The following PEBP4 variants were observed in gnomAD, a reference collection of about 807,000 sequenced individuals.
PEBP4 encodes phosphatidylethanolamine-binding protein 4.
PEBP4 carries 22 observed loss-of-function variants against 23.9 expected under a neutral mutation model. The observed-to-expected ratio is 0.92, with a 90% CI of 0.66 to 1.31. PEBP4 has a LOEUF of 1.31. PEBP4 is among the 40% of genes most tolerant of loss of function. The pLI is 0.00. For synonymous variants in PEBP4, 112 were observed against 99.3 expected (o/e 1.13, Z -0.76); for missense variants, 324 against 281.7 (o/e 1.15, Z -1.07).
intron 4 of PEBP4, among the ~76,000 whole-genome samples, chr8:22,769,402 T>G (rs961709429): frequency 6.6e-6 from 1 of 152,238 alleles, no homozygotes; most frequent in African/African-American, 2.4e-5. Flanking sequence ...CCTGTCTCAG[T>G]GGCTCTGGAT....
intron 4 of PEBP4, among the ~76,000 whole-genome samples, chr8:22,749,637 C>T (rs931429955): frequency 1.3e-5 from 2 of 152,026 alleles, no homozygotes; most frequent in African/African-American, 2.4e-5. Context: ...TAGCTGCGGC[C>T]AGCTATGCAG....
intron 4 of PEBP4, among the ~76,000 whole-genome samples, chr8:22,788,337 TGAGAA>T (rs1293819382): frequency 4.6e-5 from 7 of 151,290 alleles, no homozygotes; most frequent in African/African-American, 1.5e-4. Flanking sequence ...GAAAGACGAA[TGAGAA>T]GAGAAGAGGG....
At chr8:22,917,684 T>G (rs1283243991) in intron 3 of PEBP4, among the ~76,000 whole-genome samples, 1 of 152,210 alleles carries the variant, frequency 6.6e-6, no homozygotes, top group Non-Finnish European at 1.5e-5. Flanking sequence ...AATCACACCT[T>G]GACTTGCATT....
At chr8:22,746,116 A>G (rs553870749) in intron 4 of PEBP4, among the ~76,000 whole-genome samples, 13 of 117,084 alleles carry the variant, frequency 1.1e-4, no homozygotes, top group Admixed American at 2.9e-4. Flanking sequence ...ACTATATTCA[A>G]CTTCCTTCCT....
chr8:22,784,492 C>G (rs915091350), intron 4 of PEBP4, among the ~76,000 whole-genome samples: 1 of 152,230 alleles, frequency 6.6e-6, no homozygotes, highest in African/African-American at 2.4e-5. Context: ...GCCTTGAATT[C>G]TGGCCCTGCT....
chr8:22,889,931 C>T (rs1244586702), intron 3 of PEBP4, among the ~76,000 whole-genome samples: 1 of 152,202 alleles, frequency 6.6e-6, no homozygotes, highest in Admixed American at 6.5e-5. Context: ...CAAATTGATG[C>T]AATGTTCAAT....
chr8:22,729,287 C>T (rs1447643938), intron 4 of PEBP4, among the ~76,000 whole-genome samples: 1 of 152,252 alleles, frequency 6.6e-6, no homozygotes, highest in Non-Finnish European at 1.5e-5. Context: ...CAGGGAAGGG[C>T]TGCCCAGCCT....
intron 3 of PEBP4, among the ~76,000 whole-genome samples, chr8:22,821,984 C>CAA (rs113380878): frequency 0.12 from 16,045 of 130,732 alleles, 1,353 homozygotes; most frequent in Middle Eastern, 0.21. Context: ...GACCTCGTCT[C>CAA]AAAAAAAAAA....
intron 4 of PEBP4, among the ~76,000 whole-genome samples, chr8:22,793,304 TCAC>T: frequency 6.6e-6 from 1 of 152,312 alleles, no homozygotes. Flanking sequence ...TTTCACTCCG[TCAC>T]CTAGGCTGGA....
chr8:22,817,086 T>C (rs555189870), intron 4 of PEBP4, among the ~76,000 whole-genome samples: 1 of 152,166 alleles, frequency 6.6e-6, no homozygotes, highest in Non-Finnish European at 1.5e-5. Flanking sequence ...CCTTCACAAT[T>C]ATCGTGATGA....
intron 4 of PEBP4, among the ~76,000 whole-genome samples, chr8:22,804,787 C>T (rs1806461897): frequency 6.6e-6 from 1 of 152,122 alleles, no homozygotes; most frequent in South Asian, 2.1e-4. Context: ...CGGTTAGAAC[C>T]TCCATCCTTC....
chr8:22,732,552 C>T (rs958516768), intron 4 of PEBP4, among the ~76,000 whole-genome samples: 2 of 151,896 alleles, frequency 1.3e-5, no homozygotes, highest in Non-Finnish European at 1.5e-5. Flanking sequence ...ACATGTACCC[C>T]GGAACTTAAA....
At chr8:22,781,918 G>A (rs1193127229) in intron 4 of PEBP4, among the ~76,000 whole-genome samples, 5 of 152,140 alleles carry the variant, frequency 3.3e-5, no homozygotes, top group South Asian at 2.1e-4. Flanking sequence ...CAGGTAACCC[G>A]GGGGGCTGAA....
At chr8:22,778,388 T>TC (rs1563213342) in intron 4 of PEBP4, among the ~76,000 whole-genome samples, 1 of 151,426 alleles carries the variant, frequency 6.6e-6, no homozygotes, top group East Asian at 1.9e-4. Flanking sequence ...GCTTGAACTT[T>TC]TTTTTTTTTT....
At chr8:22,874,091 C>A (rs1808068665) in intron 3 of PEBP4, among the ~76,000 whole-genome samples, 1 of 152,112 alleles carries the variant, frequency 6.6e-6, no homozygotes, top group Admixed American at 6.5e-5. Flanking sequence ...CATCCCGCAG[C>A]TGGGGCCTTG....
rs543286595 is a variant in PEBP4, at chr8:22,936,020, A to G, written c.145-8300T>C. ...AATTTACACCTTAAGGAGCTAGGGA[A>G]AAAAAAAAAAAAGAACAAGATAACC... On this transcript the variant is annotated intron_variant, in intron 1 of 1. Coordinates refer to the PEBP4 transcript ENST00000522278. Among the ~76,000 whole-genome samples the G allele has an allele frequency of 5.3e-4, 79 of 148,214 alleles. No homozygotes were observed. The East Asian group carries it at 0.015, about 27-fold the overall frequency.
At chr8:22,780,073 G>C (rs1563213833) in intron 4 of PEBP4, among the ~76,000 whole-genome samples, 1 of 151,788 alleles carries the variant, frequency 6.6e-6, no homozygotes. Context: ...CTCAGCCCCT[G>C]AAGTAGCTGG....
intron 4 of PEBP4, among the ~76,000 whole-genome samples, chr8:22,743,106 T>C (rs938409387): frequency 1.3e-5 from 2 of 152,162 alleles, no homozygotes; most frequent in Admixed American, 6.5e-5. Flanking sequence ...AGGCCTCTTA[T>C]GCCAGCCTCC....
intron 4 of PEBP4, among the ~76,000 whole-genome samples, chr8:22,796,482 A>T (rs1806263047): frequency 6.6e-6 from 1 of 152,186 alleles, no homozygotes; most frequent in Admixed American, 6.5e-5. Flanking sequence ...GCAATCAGTA[A>T]TCAGCAGCTG....
Sources: gnomAD v4.1 joint callset for allele counts (sites outside exome capture counted in the v4.1 genomes callset) on GRCh38, gnomAD v4.1.1 for gene constraint, MANE v1.5 for transcripts, NCBI Gene and HGNC (gene_info 2026-07-23, HGNC 2026-07-21) for gene names.